The following ZNF366 variants were observed in gnomAD, a reference collection of about 807,000 sequenced individuals.
ZNF366 encodes dendritic cell-specific transcript protein.
In ZNF366, 20 loss-of-function variants were observed where a neutral mutation model predicts 47.2. That is an observed-to-expected ratio of 0.42 (90% CI 0.30 to 0.62). The LOEUF (loss-of-function observed/expected upper bound fraction) is 0.62. ZNF366 is among the 20% of genes least tolerant of loss of function. The pLI, the probability that ZNF366 is intolerant of heterozygous loss-of-function variation, is 0.16. For synonymous variants in ZNF366, 421 were observed against 395.1 expected, an observed-to-expected ratio of 1.07 and a Z score of -0.78; for missense variants, 987 against 976.3, an observed-to-expected ratio of 1.01 and a Z score of -0.15.
In ZNF366 at chr5:72,441,398, T is replaced by TC. The variant is rs1742851887; in HGVS notation, c.*2357dup. On this transcript the variant is annotated 3_prime_UTR_variant, in exon 5 of 5. Coordinates refer to ENST00000318442, the MANE Select transcript of ZNF366 (RefSeq NM_152625.3). ...ACTGCCAGCATCCTGGGCAATTTCA[T>TC]CAGAGGCACTGATGAGCTATATTAA... is the stretch of plus-strand genomic sequence containing the variant. 6.6e-6 allele frequency: 1 copy of TC among 152,220 alleles called. No homozygotes were observed. The highest frequency in any genetic ancestry group is 2.4e-5 in the African/African-American group (1 of 41,434). 9.4% of individuals were successfully genotyped at this position (152,220 alleles called of 1,614,324 possible). A position where few individuals can be genotyped will look rare whatever the true frequency, so the allele number is the denominator to read the frequency against.
chr5:72,505,799 A>G (rs989265756), intron 1 of ZNF366, among the ~76,000 whole-genome samples: 1 of 152,234 alleles, frequency 6.6e-6, no homozygotes, highest in African/African-American at 2.4e-5. Flanking sequence ...CTGAAGATCT[A>G]TGGAAATGGA....
intron 1 of ZNF366, among the ~76,000 whole-genome samples, chr5:72,489,938 T>A (rs1252087931): frequency 2.0e-5 from 3 of 152,216 alleles, no homozygotes; most frequent in African/African-American, 4.8e-5. Flanking sequence ...GATACAGGCA[T>A]CTCATGGGGA....
intron 1 of ZNF366, among the ~76,000 whole-genome samples, chr5:72,499,357 C>T (rs1744165795): frequency 6.6e-6 from 1 of 152,136 alleles, no homozygotes; most frequent in Non-Finnish European, 1.5e-5. Context: ...TCCCTCCTTG[C>T]CCAGATCTCT....
Position 72,444,299 on chromosome 5 carries a change from A to G in ZNF366, c.1700-8T>C, listed in dbSNP as rs755448418. 30 of 1,601,116 alleles carry G rather than the reference A, an allele frequency of 1.9e-5. No individual in the cohort carries two copies. The highest frequency in any genetic ancestry group is 2.5e-5 in the Non-Finnish European group (29 of 1,173,388). On this transcript the variant is annotated splice_region_variant and splice_polypyrimidine_tract_variant and intron_variant, in intron 4 of 4. Transcript: ENST00000318442. ...TTCTCCCCCTTCCCAGACCTGCAAG[A>G]GCAGAGTAAGAATTCATGCACCTGA...
Position 72,456,177 on chromosome 5 carries a change from C to A in ZNF366, c.1524+227G>T, listed in dbSNP as rs189320056. 1.1e-3 allele frequency among the ~76,000 whole-genome samples: 162 copies of A among 152,306 alleles called. 1 individual carries two copies. Among genetic ancestry groups the A allele is most frequent in the Admixed American group, 2.0e-3 (30 of 15,302 alleles). ...CTGGCTCTACCCCTGGGCATGGATGCCACAGTGAGACAAATAGGGCAGGCT... is the reference window on the plus strand; with the variant it reads ...CTGGCTCTACCCCTGGGCATGGATGACACAGTGAGACAAATAGGGCAGGCT... On this transcript the variant is annotated intron_variant, in intron 3 of 4. Transcript: ENST00000318442.
At chr5:72,454,456 A>G (rs73104475) in intron 3 of ZNF366, among the ~76,000 whole-genome samples, 6,200 of 152,160 alleles carry the variant, frequency 0.041, 397 homozygotes, top group African/African-American at 0.13. Context: ...ACCACACACA[A>G]CCTACACTGG....
chr5:72,480,473 T>C lies in ZNF366; in HGVS notation c.-14-18963A>G, dbSNP rs78158037. 9.4e-3 allele frequency among the ~76,000 whole-genome samples: 1,434 copies of C among 152,266 alleles called. 17 individuals carry two copies. Among genetic ancestry groups the C allele is most frequent in the Middle Eastern group, 0.048 (14 of 294 alleles). On this transcript the variant is annotated intron_variant, in intron 1 of 4. Transcript: ENST00000318442. ...AATATCCCTCCCTTCCTGTACTCCA[T>C]GCTTCCCCACAATCCCCCTGTCTTG...
At chr5:72,462,507 T>TTTTCTTTCTTTCTTTCTTTCTTTCCTTTC (rs1743336510) in intron 1 of ZNF366, among the ~76,000 whole-genome samples, 3 of 82,462 alleles carry the variant, frequency 3.6e-5, no homozygotes, top group African/African-American at 1.9e-4. Flanking sequence ...TCCTTGCCAG[T>TTTTCTTTCTTTCTTTCTTTCTTTCCTTTC]TTTCTTTCTT....
intron 1 of ZNF366, among the ~76,000 whole-genome samples, chr5:72,470,156 G>C (rs185898738): frequency 3.7e-4 from 56 of 152,300 alleles, no homozygotes; most frequent in African/African-American, 1.3e-3. Context: ...GGTATTGATA[G>C]GTCATTCTTG....
At chr5:72,500,998 T>C (rs1406471286) in intron 1 of ZNF366, among the ~76,000 whole-genome samples, 1 of 152,216 alleles carries the variant, frequency 6.6e-6, no homozygotes, top group South Asian at 2.1e-4. Flanking sequence ...GCAACATTAA[T>C]TTACTGACCT....
rs942477026 is a variant in ZNF366 at position 72,442,445 on chromosome 5, G to A, written c.*1311C>T. On this transcript the variant is annotated 3_prime_UTR_variant, in exon 5 of 5. Transcript: ENST00000318442. Reference sequence around the variant, plus strand: ...CTTGGTTTGGTGGTTTTTTTTTAAAGGTCACCCCAGATGCTTCTAATGTAC... The same window carrying A: ...CTTGGTTTGGTGGTTTTTTTTTAAAAGTCACCCCAGATGCTTCTAATGTAC... The A allele has an allele frequency of 6.6e-6, 1 of 151,984 alleles. No homozygotes were observed. Among genetic ancestry groups the A allele is most frequent in the African/African-American group, 2.4e-5 (1 of 41,366 alleles). 9.4% of individuals were successfully genotyped at this position (151,984 alleles called of 1,614,324 possible).
chr5:72,506,557 A>G (rs1409843260), intron 1 of ZNF366, among the ~76,000 whole-genome samples: 2 of 152,148 alleles, frequency 1.3e-5, no homozygotes, highest in African/African-American at 2.4e-5. Context: ...CTAGCTGCAT[A>G]TTGTTTTCCA....
At chr5:72,465,640 C>T (rs1580240858) in intron 1 of ZNF366, among the ~76,000 whole-genome samples, 1 of 152,140 alleles carries the variant, frequency 6.6e-6, no homozygotes, top group Non-Finnish European at 1.5e-5. Flanking sequence ...GGAGGTGGGG[C>T]AAGCCCTCCT....
chr5:72,505,275 G>A (rs1409990366), intron 1 of ZNF366, among the ~76,000 whole-genome samples: 3 of 152,186 alleles, frequency 2.0e-5, no homozygotes, highest in Non-Finnish European at 2.9e-5. Context: ...AGATTGAGTG[G>A]TAGTGACTTC....
intron 2 of ZNF366, among the ~76,000 whole-genome samples, chr5:72,457,184 C>G (rs964966781): frequency 5.9e-5 from 9 of 152,294 alleles, no homozygotes; most frequent in African/African-American, 2.2e-4. Context: ...GGTTATGGAG[C>G]CTTCCCTAAG....
In ZNF366 at chr5:72,460,339, C is replaced by A. The variant is rs767341248; in HGVS notation, c.1158G>T (p.Thr386=). The change falls in exon 2 of 5, where the codon ACG becomes ACT. Residue 386 remains threonine (T), a synonymous_variant. Transcript: ENST00000318442. ...TLAQLKRHLT[T]HRGPIQYNCS... ...AGTTGTACTGGATGGGGCCCCGGTG[C>A]GTGGTGAGGTGTCTCTTCAGCTGGG... The A allele has an allele frequency of 6.2e-7, 1 of 1,614,216 alleles. No individual in the cohort carries two copies. Among genetic ancestry groups the A allele is most frequent in the Non-Finnish European group, 8.5e-7 (1 of 1,180,036 alleles).
At chr5:72,466,594 T>C (rs957309312) in intron 1 of ZNF366, among the ~76,000 whole-genome samples, 1 of 152,204 alleles carries the variant, frequency 6.6e-6, no homozygotes, top group Non-Finnish European at 1.5e-5. Flanking sequence ...CATCTTCAAT[T>C]CCCGGGATGG....
intron 1 of ZNF366, among the ~76,000 whole-genome samples, chr5:72,480,537 CT>C (rs1743771210): frequency 6.6e-6 from 1 of 152,036 alleles, no homozygotes; most frequent in African/African-American, 2.4e-5. Context: ...CACTAACCTT[CT>C]CTAACTTCCT....
intron 1 of ZNF366, among the ~76,000 whole-genome samples, chr5:72,472,165 A>G (rs780704862): frequency 3.9e-5 from 6 of 152,180 alleles, no homozygotes; most frequent in Non-Finnish European, 8.8e-5. Flanking sequence ...TGTCTTATAA[A>G]CCAAAAACTA....
Sources: gnomAD v4.1 joint callset for allele counts (sites outside exome capture counted in the v4.1 genomes callset) on GRCh38, gnomAD v4.1.1 for gene constraint, MANE v1.5 for transcripts, NCBI Gene and HGNC (gene_info 2026-07-23, HGNC 2026-07-21) for gene names.